USP53: variants seen among roughly 807,000 people sequenced by gnomAD.
USP53 encodes ubiquitin carboxyl-terminal hydrolase 53.
In USP53, 71 loss-of-function variants were observed where a neutral mutation model predicts 94.9. That is an observed-to-expected ratio of 0.75 (90% confidence interval 0.62 to 0.91). USP53 has a LOEUF of 0.91. Among genes scored for constraint, USP53 ranks in the 40% least tolerant of loss-of-function variants. The pLI is 0.00. For missense variants in USP53, 1,173 were observed against 1,281.0 expected (o/e 0.92, Z 1.29); for synonymous variants, 375 against 422.7 (o/e 0.89, Z 1.39).
intron 2 of USP53, among the ~76,000 whole-genome samples, chr4:119,214,937 A>T (rs1743506923): frequency 6.6e-6 from 1 of 152,236 alleles, no homozygotes; most frequent in Non-Finnish European, 1.5e-5. Context: ...AACACAGTTG[A>T]TCTTTATAAA....
chr4:119,252,957 G>T (rs1037015759), intron 7 of USP53, among the ~76,000 whole-genome samples: 3 of 152,160 alleles, frequency 2.0e-5, no homozygotes, highest in East Asian at 1.9e-4. Context: ...TGGTTTTAAA[G>T]AACATCTTTA....
intron 5 of USP53, among the ~76,000 whole-genome samples, chr4:119,242,370 G>T (rs1375684040): frequency 1.3e-5 from 2 of 152,144 alleles, no homozygotes; most frequent in Non-Finnish European, 1.5e-5. Context: ...ACAGAGCTAT[G>T]CTTATTCTTT....
intron 12 of USP53, among the ~76,000 whole-genome samples, chr4:119,263,592 A>G (rs1750758444): frequency 6.6e-6 from 1 of 152,164 alleles, no homozygotes; most frequent in Non-Finnish European, 1.5e-5. Context: ...TCACTGGAAA[A>G]CAAAAGGTAA....
chr4:119,248,965 A>C (rs972034339), intron 7 of USP53, 83 bp downstream of exon 7: 90 of 1,529,880 alleles, frequency 5.9e-5, no homozygotes, highest in Non-Finnish European at 7.6e-5. Context: ...CAAATGAAAC[A>C]AAAATTTAGA....
intron 3 of USP53, 54 bp from the exon 4 acceptor site, chr4:119,235,236 T>G (rs1025896453): frequency 4.6e-5 from 7 of 152,320 alleles, no homozygotes; most frequent in African/African-American, 1.4e-4. Flanking sequence ...CTTTTTGTAC[T>G]GTGGAACTCA....
At chr4:119,217,713 T>G (rs2149256902) in intron 3 of USP53, 40 bp downstream of exon 3, 1 of 152,136 alleles carries the variant, frequency 6.6e-6, no homozygotes, top group East Asian at 1.9e-4. Flanking sequence ...ATTGTGATGG[T>G]TTGCAATTTT....
intron 4 of USP53, among the ~76,000 whole-genome samples, chr4:119,237,845 A>G (rs745532427): frequency 3.9e-5 from 6 of 152,192 alleles, no homozygotes; most frequent in Admixed American, 1.3e-4. Context: ...CTCACCTTGT[A>G]TTTTTATGTT....
intron 1 of USP53, among the ~76,000 whole-genome samples, chr4:119,213,409 T>C (rs1743151395): frequency 6.6e-6 from 1 of 151,990 alleles, no homozygotes; most frequent in Admixed American, 6.5e-5. Context: ...ATAAAGTTAA[T>C]GTTTAGCTTC....
At chr4:119,279,173 C>T (rs1245429941) in intron 17 of USP53, among the ~76,000 whole-genome samples, 2 of 145,596 alleles carry the variant, frequency 1.4e-5, no homozygotes, top group Non-Finnish European at 3.0e-5. Context: ...GGAGGAGAGG[C>T]GCTCTGCGTT....
chr4:119,263,988 C>T (rs1344073008), intron 12 of USP53, among the ~76,000 whole-genome samples: 1 of 152,144 alleles, frequency 6.6e-6, no homozygotes, highest in Non-Finnish European at 1.5e-5. Context: ...TTGCTTGAAC[C>T]TAGGAGGCAG....
intron 12 of USP53, chr4:119,266,433 G>T (rs1751136466): frequency 2.3e-6 from 1 of 439,582 alleles, no homozygotes; most frequent in African/African-American, 2.0e-5. Flanking sequence ...AGTTCCTGTT[G>T]TTCCACATTC....
chr4:119,292,839 G>C lies in USP53; in HGVS notation c.2850G>C (p.Glu950Asp). 6.2e-7 allele frequency: 1 copy of C among 1,614,100 alleles called. No homozygotes were observed. The highest frequency in any genetic ancestry group is 8.5e-7 in the Non-Finnish European group (1 of 1,179,982). Residue 950 changes from glutamate to aspartate, a missense_variant, in exon 19 of 19, where the codon GAG becomes GAC. Transcript: ENST00000692078. ...SESTPDVKLT[E>D]VFKATSHLPK... ...CTACACCTGATGTCAAACTTACAGAGGTGTTTAAAGCTACCTCTCATCTTC... is the reference window on the plus strand; with the variant it reads ...CTACACCTGATGTCAAACTTACAGACGTGTTTAAAGCTACCTCTCATCTTC...
rs770039446 is a variant in USP53 at position 119,256,425 on chromosome 4, GT to G, written c.487-11del. On this transcript the variant is annotated splice_polypyrimidine_tract_variant and intron_variant, in intron 8 of 18. Transcript: ENST00000692078. ...TTTATGATTGATAGATTAAACATATGTTTTTACCTATATAGTGTGTGTGTCG... is the reference window on the plus strand; with the variant it reads ...TTTATGATTGATAGATTAAACATATGTTTTACCTATATAGTGTGTGTGTCG... 6.2e-7 allele frequency: 1 copy of G among 1,613,638 alleles called. No individual in the cohort carries two copies. The highest frequency in any genetic ancestry group is 1.3e-5 in the African/African-American group (1 of 74,876).
chr4:119,289,050 G>C (rs926967652), intron 17 of USP53, among the ~76,000 whole-genome samples: 8 of 151,664 alleles, frequency 5.3e-5, no homozygotes, highest in Non-Finnish European at 1.2e-4. Context: ...TATCACCATA[G>C]ATACTAGCAG....
At chr4:119,266,704 A>G (rs1751169727) in intron 12 of USP53, among the ~76,000 whole-genome samples, 1 of 150,960 alleles carries the variant, frequency 6.6e-6, no homozygotes, top group Non-Finnish European at 1.5e-5. Flanking sequence ...TATTAGCTGT[A>G]TGTTGCTTAT....
intron 2 of USP53, among the ~76,000 whole-genome samples, chr4:119,214,877 A>G (rs1743497728): frequency 6.6e-6 from 1 of 152,182 alleles, no homozygotes; most frequent in Admixed American, 6.5e-5. Flanking sequence ...GAACTCTCTT[A>G]CTTACTGGGG....
In USP53 at chr4:119,267,365, C is replaced by A. The variant is rs373166442; in HGVS notation, c.1018C>A (p.His340Asn). ...TGTTGTCTCCAAATGCATTCGATGC[C>A]ACTTTCAGCCACTACTTTTGTTTTA... The part of the protein sequence containing the change: ...KDVVSKCIRC[H>N]FQPLLLFYAN... The change falls in exon 13 of 19, where the codon CAC (histidine) becomes AAC (asparagine). Residue 340 changes from histidine (H) to asparagine (N), a missense_variant. Coordinates refer to ENST00000692078, the MANE Select transcript of USP53 (RefSeq NM_001371395.1). 7.4e-6 allele frequency: 12 copies of A among 1,613,758 alleles called. No individual in the cohort carries two copies. Among genetic ancestry groups the A allele is most frequent in the African/African-American group, 1.3e-5 (1 of 74,852 alleles).
intron 14 of USP53, among the ~76,000 whole-genome samples, chr4:119,269,031 A>G (rs1256630189): frequency 1.3e-5 from 2 of 152,212 alleles, no homozygotes; most frequent in African/African-American, 4.8e-5. Context: ...TGTAATCATA[A>G]AAGTAACTCA....
Position 119,239,701 on chromosome 4 carries a change from C to A in USP53, c.-59C>A. 1 of 1,524,936 alleles carries A rather than the reference C, an allele frequency of 6.6e-7. No individual in the cohort carries two copies. Among genetic ancestry groups the A allele is most frequent in the Non-Finnish European group, 8.8e-7 (1 of 1,135,968 alleles). The allele number at this position is 1,524,936 out of a possible 1,614,324, so 94.5% of individuals were successfully genotyped here. A position where few individuals can be genotyped will look rare whatever the true frequency, so the allele number is the denominator to read the frequency against. On this transcript the variant is annotated 5_prime_UTR_variant, in exon 5 of 19. Transcript: ENST00000692078. ...AATTCAAGACATCCATTTTATTGTC[C>A]AAAATATTACATAAAAGTGTACAGT...
Sources: gnomAD v4.1 joint callset for allele counts (sites outside exome capture counted in the v4.1 genomes callset) on GRCh38, gnomAD v4.1.1 for gene constraint, MANE v1.5 for transcripts, NCBI Gene and HGNC (gene_info 2026-07-23, HGNC 2026-07-21) for gene names.